TNXB: variants seen among roughly 807,000 people sequenced by gnomAD.
TNXB encodes the protein tenascin XB, also known as tenascin-X.
A neutral mutation model predicts 340.5 loss-of-function variants in TNXB; 183 were observed. The ratio of observed to expected loss-of-function variants is 0.54; its 90% CI spans 0.48 to 0.61. The LOEUF (loss-of-function observed/expected upper bound fraction) is 0.61, where lower values mean the gene tolerates loss of function less well. Ranked by LOEUF, TNXB falls within the 20% of genes least tolerant of loss-of-function variation. The pLI is 0.00. For missense variants in TNXB, 4,613 were observed against 5,446.4 expected, an observed-to-expected ratio of 0.85 and a Z score of 4.82; for synonymous variants, 2,121 against 2,314.5, an observed-to-expected ratio of 0.92 and a Z score of 2.40.
At chr6:32,056,344 A>C (rs1209814459) in intron 23 of TNXB, among the ~76,000 whole-genome samples, 170 bp from the exon 24 acceptor site, 2 of 152,146 alleles carry the variant, frequency 1.3e-5, no homozygotes, top group African/African-American at 4.8e-5. Context: ...ACACATGACA[A>C]GTTCCAGGGT....
rs1369839006 is a variant in TNXB, at chr6:32,056,098, C to T, written c.8220G>A (p.Gly2740=). Residue 2740 remains glycine (G), a synonymous_variant, in exon 24 of 44, where the codon GGG becomes GGA. Coordinates refer to ENST00000644971, the MANE Select transcript of TNXB (RefSeq NM_001365276.2). ...APEPPEEPLL[G]ELTVTGSSPD... is the part of the protein sequence containing the mutation. ...GGGAGGATCCTGTCACTGTCAGCTC[C>T]CCCAGGAGCGGCTCCTCAGGGGGCT... 6.2e-7 allele frequency: 1 copy of T among 1,612,584 alleles called. No individual in the cohort carries two copies. The highest frequency in any genetic ancestry group is 1.3e-5 in the African/African-American group (1 of 74,888).
In TNXB at chr6:32,082,384, CA is replaced by C; in HGVS notation, c.3446-59del. 1 of 1,488,678 alleles carries C rather than the reference CA, an allele frequency of 6.7e-7. No homozygotes were observed. Among genetic ancestry groups the C allele is most frequent in the East Asian group, 2.3e-5 (1 of 43,858 alleles). The allele number at this position is 1,488,678 out of a possible 1,614,324, so 92.2% of individuals were successfully genotyped here. ...TTAGGTCCAAGGAGAATGGGGAAGC[CA>C]AATCCCACATAGGAATGCTGTGTGA... On this transcript the variant is annotated intron_variant, in intron 8 of 43. Coordinates refer to ENST00000644971, the MANE Select transcript of TNXB (RefSeq NM_001365276.2). This position sits in a 1 kb window ranked among gnomAD's most constrained non-coding sequence, Gnocchi z 5.0.
chr6:32,047,584 G>T lies in TNXB; in HGVS notation c.10324+150C>A. 1.1e-6 allele frequency: 1 copy of T among 874,730 alleles called. No homozygotes were observed. Among genetic ancestry groups the T allele is most frequent in the Non-Finnish European group, 1.7e-6 (1 of 595,698 alleles). 54.2% of individuals were successfully genotyped at this position (874,730 alleles called of 1,614,324 possible). On this transcript the variant is annotated intron_variant, in intron 30 of 43. Coordinates refer to ENST00000644971, the MANE Select transcript of TNXB (RefSeq NM_001365276.2). This position sits in a 1 kb window ranked among gnomAD's most constrained non-coding sequence, Gnocchi z 6.2. ...GAAGTAATGCATATGCTTCAGAACT[G>T]TGCCTGACACACAGAGGGACTCACT...
At position 32,097,031 on chromosome 6, in the gene TNXB, G is replaced by C; in HGVS notation, c.822C>G (p.Asp274Glu). 6.2e-7 allele frequency: 1 copy of C among 1,613,218 alleles called. No homozygotes were observed. Among genetic ancestry groups the C allele is most frequent in the Non-Finnish European group, 8.5e-7 (1 of 1,179,592 alleles). The change falls in exon 3 of 44, where the codon GAC becomes GAG. Residue 274 changes from aspartate (D) to glutamate (E), a missense_variant. Around this residue, in one of 7 missense-constraint regions of TNXB, gnomAD observed 4,327 missense variants for 4,859.4 expected, o/e 0.89. Transcript: ENST00000644971. This position sits in a 1 kb window ranked among gnomAD's most constrained non-coding sequence, Gnocchi z 5.9. ...CVCDPGYTGD[D>E]CGMRSCPRGC... ...CGCGAGGGCAGCTCCTCATGCCACA[G>C]TCGTCACCAGTGTAGCCTGGGTCAC...
In TNXB at chr6:32,084,850, C is replaced by T; in HGVS notation, c.3149-141G>A. 1 of 664,128 alleles carries T rather than the reference C, an allele frequency of 1.5e-6. No individual in the cohort carries two copies. Among genetic ancestry groups the T allele is most frequent in the East Asian group, 2.8e-5 (1 of 35,134 alleles). The allele number at this position is 664,128 out of a possible 1,614,324, so 41.1% of individuals were successfully genotyped here. On this transcript the variant is annotated intron_variant, in intron 7 of 43. Coordinates refer to ENST00000644971, the MANE Select transcript of TNXB (RefSeq NM_001365276.2). The surrounding 1 kb of genome is among the most constrained non-coding windows in gnomAD (Gnocchi z 5.5). ...ACTCTATCTGCCCACCCCTCAGTGA[C>T]TAGCTCTTCTGGAAGAGGGGCATTT...
rs746618292 is a variant in TNXB at position 32,048,323 on chromosome 6, C to T, written c.10045+40G>A. The T allele has an allele frequency of 4.8e-6, 7 of 1,470,694 alleles. No individual in the cohort carries two copies. The African/African-American group carries it at 5.6e-5, about 12-fold the overall frequency. The allele number at this position is 1,470,694 out of a possible 1,614,324, so 91.1% of individuals were successfully genotyped here. A position where few individuals can be genotyped will look rare whatever the true frequency, so the allele number is the denominator to read the frequency against. ...AATTCCAACAGGTGCCACAAGGGGG[C>T]GAAGGCTCTGGCCGCGGGAGGCCTC... is the stretch of plus-strand genomic sequence containing the variant. On this transcript the variant is annotated intron_variant, in intron 29 of 43. Coordinates refer to ENST00000644971, the MANE Select transcript of TNXB (RefSeq NM_001365276.2).
rs1190076956 is a variant in TNXB, at chr6:32,090,520, T to C, written c.2359-1141A>G. 6.6e-6 allele frequency among the ~76,000 whole-genome samples: 1 copy of C among 152,226 alleles called. No individual in the cohort carries two copies. Among genetic ancestry groups the C allele is most frequent in the Non-Finnish European group, 1.5e-5 (1 of 68,042 alleles). The stretch of plus-strand genomic sequence containing the variant: ...CTGTGTTCTGCCTAGCTATGTTGGC[T>C]GTGATGGGGACACCTCCATTCAGCC... On this transcript the variant is annotated intron_variant, in intron 4 of 43. Coordinates refer to ENST00000644971, the MANE Select transcript of TNXB (RefSeq NM_001365276.2). The surrounding 1 kb of genome is among the most constrained non-coding windows in gnomAD (Gnocchi z 4.3).
intron 1 of TNXB, among the ~76,000 whole-genome samples, chr6:32,104,887 C>T (rs1780901911): frequency 6.6e-6 from 1 of 152,084 alleles, no homozygotes; most frequent in Non-Finnish European, 1.5e-5. Flanking sequence ...TCCTCCCACC[C>T]TAGCCTCCCA....
chr6:32,094,695 G>A (rs1037381958), intron 4 of TNXB, among the ~76,000 whole-genome samples: 6 of 152,156 alleles, frequency 3.9e-5, no homozygotes, highest in Admixed American at 1.3e-4. Flanking sequence ...TGTGGTGTAG[G>A]ACACAGGGAA....
At position 32,069,299 on chromosome 6, in the gene TNXB, G is replaced by T. The variant is rs1778609179; in HGVS notation, c.5588-163C>A. 6.6e-6 allele frequency among the ~76,000 whole-genome samples: 1 copy of T among 152,256 alleles called. No homozygotes were observed. Among genetic ancestry groups the T allele is most frequent in the South Asian group, 2.1e-4 (1 of 4,832 alleles). On this transcript the variant is annotated intron_variant, in intron 15 of 43. Transcript: ENST00000644971. The surrounding 1 kb of genome is among the most constrained non-coding windows in gnomAD (Gnocchi z 6.2). ...TTCAAAAGCATTGTGCTAATTGCAA[G>T]AAATGAAACACAAGAGACTGCGTAT...
In TNXB at chr6:32,050,252, C is replaced by T. The variant is rs769949134; in HGVS notation, c.9185G>A (p.Arg3062His). The change falls in exon 27 of 44, where the codon CGC (arginine) becomes CAC (histidine). Residue 3062 changes from arginine (R) to histidine (H), a missense_variant. Arg to His is a conservative substitution (Grantham distance 29). Around this residue, in one of 7 missense-constraint regions of TNXB, gnomAD observed 4,327 missense variants for 4,859.4 expected, o/e 0.89. Transcript: ENST00000644971. ...ATCTGTCACGGTCAGCTCCCCCAGG[C>T]GAGGCTTGATGGGGGGCTCAGGGGT... Reference protein sequence around the residue: ...TMTPEPPIKPRLGELTVTDAT... With the variant: ...TMTPEPPIKPHLGELTVTDAT... 50 of 1,613,364 alleles carry T rather than the reference C, an allele frequency of 3.1e-5. No individual in the cohort carries two copies. The highest frequency in any genetic ancestry group is 8.8e-5 in the South Asian group (8 of 91,076).
chr6:32,049,144 A>G lies in TNXB; in HGVS notation c.9757+126T>C. 7.5e-7 allele frequency: 1 copy of G among 1,331,044 alleles called. No homozygotes were observed. The highest frequency in any genetic ancestry group is 1.0e-6 in the Non-Finnish European group (1 of 1,000,914). The allele number at this position is 1,331,044 out of a possible 1,614,324, so 82.5% of individuals were successfully genotyped here. A position where few individuals can be genotyped will look rare whatever the true frequency, so the allele number is the denominator to read the frequency against. ...ATGAATCCAAGGATGAGGCAGGATC[A>G]TTAGCAACATGGGAGAAAAGACAGA... On this transcript the variant is annotated intron_variant, in intron 28 of 43. Coordinates refer to ENST00000644971, the MANE Select transcript of TNXB (RefSeq NM_001365276.2). This position sits in a 1 kb window ranked among gnomAD's most constrained non-coding sequence, Gnocchi z 4.5.
chr6:32,047,134 T>C lies in TNXB; in HGVS notation c.10324+600A>G, dbSNP rs1776943098. On this transcript the variant is annotated intron_variant, in intron 30 of 43. Coordinates refer to ENST00000644971, the MANE Select transcript of TNXB (RefSeq NM_001365276.2). The surrounding 1 kb of genome is among the most constrained non-coding windows in gnomAD (Gnocchi z 6.2). The stretch of plus-strand genomic sequence containing the variant: ...TGTACCCCGTCCCCACAGTGAGGGT[T>C]TGGGAAGAGAATTACGGAGTCCCAG... Among the ~76,000 whole-genome samples, 1 of 152,096 alleles carries C rather than the reference T, an allele frequency of 6.6e-6. No individual in the cohort carries two copies. The highest frequency in any genetic ancestry group is 1.5e-5 in the Non-Finnish European group (1 of 68,000).
chr6:32,066,564 A>C lies in TNXB; in HGVS notation c.6544+1097T>G, dbSNP rs368185579. ...TTTATACGAAATGTTCTGGAACAGC[A>C]ATCTACAGAGAAAAAAGTAGATTAG... On this transcript the variant is annotated intron_variant, in intron 18 of 43. Transcript: ENST00000644971. Among the ~76,000 whole-genome samples, 19 of 152,356 alleles carry C rather than the reference A, an allele frequency of 1.2e-4. No individual in the cohort carries two copies. The East Asian group carries it at 1.3e-3, about 11-fold the overall frequency.
Position 32,049,989 on chromosome 6 carries a change from T to C in TNXB, c.9439+9A>G. The C allele has an allele frequency of 2.5e-6, 4 of 1,612,750 alleles. No individual in the cohort carries two copies. The highest frequency in any genetic ancestry group is 3.4e-6 in the Non-Finnish European group (4 of 1,179,010). ...AGCTCCCACCCTGGGGCTCCCATCA[T>C]TCACTCACCCGTCACCCCAATGGCA... On this transcript the variant is annotated intron_variant, in intron 27 of 43. Coordinates refer to ENST00000644971, the MANE Select transcript of TNXB (RefSeq NM_001365276.2). The surrounding 1 kb of genome is among the most constrained non-coding windows in gnomAD (Gnocchi z 4.5).
In TNXB at chr6:32,051,257, T is replaced by C. The variant is rs1002694622; in HGVS notation, c.9116-936A>G. Among the ~76,000 whole-genome samples the C allele has an allele frequency of 6.6e-6, 1 of 152,210 alleles. No individual in the cohort carries two copies. The highest frequency in any genetic ancestry group is 1.5e-5 in the Non-Finnish European group (1 of 68,026). ...GCCTGGCTCTGGGCTTCTTGTCACATGCTCACCCGCCTTTGCTTTCTTACT... is the reference window on the plus strand; with the variant it reads ...GCCTGGCTCTGGGCTTCTTGTCACACGCTCACCCGCCTTTGCTTTCTTACT... On this transcript the variant is annotated intron_variant, in intron 26 of 43. Transcript: ENST00000644971. This position sits in a 1 kb window ranked among gnomAD's most constrained non-coding sequence, Gnocchi z 4.7.
rs558888839 is a variant in TNXB, at chr6:32,045,905, A to G, written c.10606+270T>C. ...GCGACAGCAGCCCCAGCGAGTAATG[A>G]GGAGCAGTGGCAGTGACGGGGCAGA... On this transcript the variant is annotated intron_variant, in intron 31 of 43. Coordinates refer to ENST00000644971, the MANE Select transcript of TNXB (RefSeq NM_001365276.2). The G allele has an allele frequency of 3.3e-4, 404 of 1,216,258 alleles. 3 individuals carry two copies. In the South Asian group the frequency reaches 0.012, roughly 35 times the overall value. 75.3% of individuals were successfully genotyped at this position (1,216,258 alleles called of 1,614,324 possible). A position where few individuals can be genotyped will look rare whatever the true frequency, so the allele number is the denominator to read the frequency against.
rs1315486410 is a variant in TNXB at position 32,046,213 on chromosome 6, C to T, written c.10568G>A (p.Gly3523Glu). 3 of 1,596,292 alleles carry T rather than the reference C, an allele frequency of 1.9e-6. No individual in the cohort carries two copies. Among genetic ancestry groups the T allele is most frequent in the South Asian group, 2.2e-5 (2 of 89,252 alleles). Residue 3523 changes from glycine (G) to glutamate (E), a missense_variant, in exon 31 of 44, where the codon GGA (glycine) becomes GAA (glutamate). Gly to Glu is a moderately conservative substitution (Grantham distance 98). This residue lies in a region of TNXB where 4,327 missense variants were observed against 4,859.4 expected (regional missense o/e 0.89). Transcript: ENST00000644971. The surrounding 1 kb of genome is among the most constrained non-coding windows in gnomAD (Gnocchi z 6.9). The stretch of plus-strand genomic sequence containing the variant: ...GGCAGAGACCGGGCCCAGGCGCTTT[C>T]CCCCAAGGAGCCCGTAGAGCAGAAA... ...YKFLLYGLLG[G>E]KRLGPVSALG...
At chr6:32,066,162 C>G (rs1389293627) in intron 18 of TNXB, among the ~76,000 whole-genome samples, 1 of 152,120 alleles carries the variant, frequency 6.6e-6, no homozygotes, top group Non-Finnish European at 1.5e-5. Flanking sequence ...AAGGCCCAGG[C>G]AGGAAGATTC....
Sources: gnomAD v4.1 joint callset for allele counts (sites outside exome capture counted in the v4.1 genomes callset) on GRCh38, gnomAD v4.1.1 for gene constraint, gnomAD v4.1.1 regional missense constraint, Gnocchi (gnomAD v3.1) non-coding constraint, MANE v1.5 for transcripts, NCBI Gene and HGNC (gene_info 2026-07-23, HGNC 2026-07-21) for gene names.